DECR2: variants seen among roughly 807,000 people sequenced by gnomAD.
The protein encoded by DECR2 is 2,4-dienoyl-CoA reductase 2.
Under a neutral mutation model 29.2 loss-of-function variants are expected in DECR2, and 34 were observed. That is an observed-to-expected ratio of 1.16 (90% confidence interval 0.89 to 1.55). The LOEUF is 1.55. Ranked by LOEUF, DECR2 falls within the 40% of genes most tolerant of loss-of-function variation. The probability of loss-of-function intolerance (pLI) is 0.00; values close to 1 mark genes in which losing one functional copy is unlikely to be tolerated. For missense variants in DECR2, 485 were observed against 425.3 expected (o/e 1.14, Z -1.23); for synonymous variants, 224 against 182.7 (o/e 1.23, Z -1.82).
intron 1 of DECR2, among the ~76,000 whole-genome samples, chr16:404,421 G>A (rs909581252): frequency 6.7e-6 from 1 of 150,016 alleles, no homozygotes; most frequent in Non-Finnish European, 1.5e-5. Flanking sequence ...TATATTTTTA[G>A]TAGAGACGGG....
At position 410,085 on chromosome 16, in the gene DECR2, T is replaced by C. The variant is rs1240564365; in HGVS notation, c.338-158T>C. The C allele has an allele frequency of 3.3e-5, 36 of 1,083,282 alleles. No homozygotes were observed. Among genetic ancestry groups the C allele is most frequent in the Non-Finnish European group, 4.6e-5 (36 of 775,938 alleles). The allele number at this position is 1,083,282 out of a possible 1,614,324, so 67.1% of individuals were successfully genotyped here. A position where few individuals can be genotyped will look rare whatever the true frequency, so the allele number is the denominator to read the frequency against. ...TGCAGCCAGGACGCCCGTCTTGCTCTGGTCATTTTGGAATTTATCCTAGGG... is the reference window on the plus strand; with the variant it reads ...TGCAGCCAGGACGCCCGTCTTGCTCCGGTCATTTTGGAATTTATCCTAGGG... On this transcript the variant is annotated intron_variant, in intron 4 of 8. Transcript: ENST00000219481. The surrounding 1 kb of genome is among the most constrained non-coding windows in gnomAD (Gnocchi z 4.1).
chr16:407,971 CCCCCTGTCTCCGGG>C (rs1567340697), intron 4 of DECR2, among the ~76,000 whole-genome samples: 1 of 75,978 alleles, frequency 1.3e-5, no homozygotes, highest in African/African-American at 7.6e-5. Flanking sequence ...CTGTCTCCGG[CCCCCTGTCTCCGGG>C]CCCCTGTCTC....
At position 412,379 on chromosome 16, in the gene DECR2, T is replaced by C. The variant is rs2054827529; in HGVS notation, c.*490T>C. On this transcript the variant is annotated 3_prime_UTR_variant, in exon 9 of 9. Coordinates refer to ENST00000219481, the MANE Select transcript of DECR2 (RefSeq NM_020664.4). ...TAAACACACTTTGCTACAATCTTGC[T>C]AGTGCGTTTTCTTAAAAGATAATCT... 6.6e-6 allele frequency: 1 copy of C among 152,254 alleles called. No individual in the cohort carries two copies. Among genetic ancestry groups the C allele is most frequent in the African/African-American group, 2.4e-5 (1 of 41,472 alleles). The allele number at this position is 152,254 out of a possible 1,614,324, so 9.4% of individuals were successfully genotyped here. A position where few individuals can be genotyped will look rare whatever the true frequency, so the allele number is the denominator to read the frequency against.
chr16:402,175 CTTTCTTTTTTT>C, intron 1 of DECR2, 132 bp downstream of exon 1: 1 of 718,474 alleles, frequency 1.4e-6, no homozygotes, highest in Non-Finnish European at 2.0e-6. Context: ...TTTCTTTTTT[CTTTCTTTTTTT>C]TTTTTTGAGA....
At chr16:403,482 G>T (rs550353331) in intron 1 of DECR2, among the ~76,000 whole-genome samples, 41 of 152,286 alleles carry the variant, frequency 2.7e-4, no homozygotes, top group African/African-American at 7.9e-4. Flanking sequence ...TCCCGACGTA[G>T]CTTGCTGAAT....
Position 410,087 on chromosome 16 carries a change from G to T in DECR2, c.338-156G>T. 1 of 1,116,250 alleles carries T rather than the reference G, an allele frequency of 9.0e-7. No individual in the cohort carries two copies. Among genetic ancestry groups the T allele is most frequent in the Non-Finnish European group, 1.2e-6 (1 of 805,716 alleles). 69.1% of individuals were successfully genotyped at this position (1,116,250 alleles called of 1,614,324 possible). The stretch of plus-strand genomic sequence containing the variant: ...CAGCCAGGACGCCCGTCTTGCTCTG[G>T]TCATTTTGGAATTTATCCTAGGGCA... On this transcript the variant is annotated intron_variant, in intron 4 of 8. Transcript: ENST00000219481. The surrounding 1 kb of genome is among the most constrained non-coding windows in gnomAD (Gnocchi z 4.1).
chr16:410,299 A>T lies in DECR2; in HGVS notation c.394A>T (p.Thr132Ser), dbSNP rs542989271. ...AGALSFNAFK[T>S]VMDIDTSGTF... ...CGCCTTGTCCTTCAACGCCTTCAAG[A>T]CCGTGATGGACATCGATACCAGCGG... The change falls in exon 5 of 9, where the codon ACC becomes TCC. Residue 132 changes from threonine to serine, a missense_variant. Thr to Ser is a moderately conservative substitution (Grantham distance 58, BLOSUM62 1). Transcript: ENST00000219481. This position sits in a 1 kb window ranked among gnomAD's most constrained non-coding sequence, Gnocchi z 4.1. The T allele has an allele frequency of 7.9e-5, 127 of 1,613,430 alleles. No individual in the cohort carries two copies. In the South Asian group the frequency reaches 1.4e-3, roughly 17 times the overall value.
chr16:406,955 A>ATGGAGTGGCTCCCAAATATGG (rs1313165724), intron 3 of DECR2: 2 of 1,023,262 alleles, frequency 2.0e-6, no homozygotes, highest in African/African-American at 3.5e-5. Context: ...GCTTCAGTGT[A>ATGGAGTGGCTCCCAAATATGG]AGTGGCCTCC....
At position 405,014 on chromosome 16, in the gene DECR2, AT is replaced by A. The variant is rs776614801; in HGVS notation, c.143del (p.Phe48SerfsTer9). ...GSGIGFRIAE[I>X]FMRHGCHTVI... ...TGGGATTGGGTTCCGGATTGCTGAG[AT>A]TTTCATGCGGTGAGACTGCTCTGTG... On this transcript the variant is annotated frameshift_variant, in exon 2 of 9. Transcript: ENST00000219481. LOFTEE classifies it high-confidence loss of function. 40 of 1,613,980 alleles carry A rather than the reference AT, an allele frequency of 2.5e-5. No individual in the cohort carries two copies. The highest frequency in any genetic ancestry group is 3.2e-5 in the Non-Finnish European group (38 of 1,179,948).
At chr16:409,313 G>T (rs1217375969) in intron 4 of DECR2, among the ~76,000 whole-genome samples, 2 of 152,022 alleles carry the variant, frequency 1.3e-5, no homozygotes, top group African/African-American at 4.8e-5. Context: ...TGGGACTACA[G>T]GTGCCTGCCA....
chr16:402,607 C>T (rs1280695463), intron 1 of DECR2, among the ~76,000 whole-genome samples: 3 of 152,086 alleles, frequency 2.0e-5, no homozygotes, highest in Non-Finnish European at 4.4e-5. Flanking sequence ...CGGTCACCTG[C>T]CCTCACTCGG....
In DECR2 at chr16:407,572, C is replaced by G. The variant is rs771608704; in HGVS notation, c.337+12C>G. On this transcript the variant is annotated intron_variant, in intron 4 of 8. Transcript: ENST00000219481. ...CATTCTCATTAACTGTGAGTCGGTG[C>G]TGAGTGAGGTTGGTGGCTTCTCACA... 6.2e-7 allele frequency: 1 copy of G among 1,613,306 alleles called. No individual in the cohort carries two copies. Among genetic ancestry groups the G allele is most frequent in the Non-Finnish European group, 8.5e-7 (1 of 1,179,468 alleles).
At position 404,089 on chromosome 16, in the gene DECR2, T is replaced by C. The variant is rs1013717785; in HGVS notation, c.81-867T>C. ...TCTGGAGGCTGAGGCAGGAGAATGG[T>C]GTGAACCTGGGAGGAGGAGTTTGCA... On this transcript the variant is annotated intron_variant, in intron 1 of 8. Transcript: ENST00000219481. 2.0e-5 allele frequency among the ~76,000 whole-genome samples: 3 copies of C among 151,720 alleles called. 1 individual carries two copies. The highest frequency in any genetic ancestry group is 7.3e-5 in the African/African-American group (3 of 41,338).
At chr16:407,999 G>C (rs1317629821) in intron 4 of DECR2, among the ~76,000 whole-genome samples, 3 of 56,920 alleles carry the variant, frequency 5.3e-5, no homozygotes, top group South Asian at 7.8e-4. Context: ...CTGTCTCCGG[G>C]CCTCTGTCTC....
Position 410,083 on chromosome 16 carries a change from T to G in DECR2, c.338-160T>G. ...AGTGCAGCCAGGACGCCCGTCTTGC[T>G]CTGGTCATTTTGGAATTTATCCTAG... is the stretch of plus-strand genomic sequence containing the variant. On this transcript the variant is annotated intron_variant, in intron 4 of 8. Coordinates refer to ENST00000219481, the MANE Select transcript of DECR2 (RefSeq NM_020664.4). The surrounding 1 kb of genome is among the most constrained non-coding windows in gnomAD (Gnocchi z 4.1). 1 of 1,067,494 alleles carries G rather than the reference T, an allele frequency of 9.4e-7. No individual in the cohort carries two copies. The highest frequency in any genetic ancestry group is 1.3e-6 in the Non-Finnish European group (1 of 761,570). The allele number at this position is 1,067,494 out of a possible 1,614,324, so 66.1% of individuals were successfully genotyped here.
At position 406,384 on chromosome 16, in the gene DECR2, C is replaced by CA; in HGVS notation, c.188_189insA (p.Arg64AlafsTer49). 6.2e-7 allele frequency: 1 copy of CA among 1,607,902 alleles called. No homozygotes were observed. The highest frequency in any genetic ancestry group is 1.7e-5 in the Admixed American group (1 of 59,996). On this transcript the variant is annotated frameshift_variant, in exon 3 of 9. Coordinates refer to ENST00000219481, the MANE Select transcript of DECR2 (RefSeq NM_020664.4). LOFTEE classifies it high-confidence loss of function. ...ACGGTGATTGCCAGTAGGAGCCTGC[C>CA]GCGAGTGCTGACGGTGAGAGGGCCT...
chr16:404,722 C>T (rs548042275), intron 1 of DECR2, among the ~76,000 whole-genome samples: 47 of 150,774 alleles, frequency 3.1e-4, no homozygotes, highest in African/African-American at 8.0e-4. Context: ...ATCTGCCTCC[C>T]GGGTTCAAGC....
At chr16:403,161 C>CT (rs1171367080) in intron 1 of DECR2, 3 of 330,338 alleles carry the variant, frequency 9.1e-6, no homozygotes, top group Non-Finnish European at 1.3e-5. Flanking sequence ...CCAAGTGGGA[C>CT]TATAGGCACA....
At chr16:408,479 C>T (rs1415125308) in intron 4 of DECR2, among the ~76,000 whole-genome samples, 1 of 151,922 alleles carries the variant, frequency 6.6e-6, no homozygotes, top group Non-Finnish European at 1.5e-5. Flanking sequence ...AGTCGGGTGC[C>T]CTTGTGTCCT....
Sources: allele counts gnomAD v4.1 joint callset (sites outside exome capture counted in the v4.1 genomes callset), GRCh38; gene constraint gnomAD v4.1.1; non-coding constraint Gnocchi (gnomAD v3.1); transcripts MANE v1.5; gene names NCBI Gene and HGNC (gene_info 2026-07-23, HGNC 2026-07-21).